Variants in IFT81 observed in about 807,000 individuals in gnomAD.
The protein encoded by IFT81 is intraflagellar transport 81.
In IFT81, 72 loss-of-function variants were observed where a neutral mutation model predicts 102.6. The ratio of observed to expected loss-of-function variants is 0.70; its 90% CI spans 0.58 to 0.85. The LOEUF is 0.85. IFT81 is among the 40% of genes least tolerant of loss of function. The probability of loss-of-function intolerance (pLI) is 0.00; values close to 1 mark genes in which losing one functional copy is unlikely to be tolerated. For synonymous variants in IFT81, 237 were observed against 242.7 expected (o/e 0.98, Z 0.22); for missense variants, 723 against 787.3 (o/e 0.92, Z 0.98).
rs112515524 is a variant in IFT81 at position 110,129,203 on chromosome 12, C to G, written c.429+73C>G. On this transcript the variant is annotated intron_variant, in intron 4 of 18. Transcript: ENST00000242591. The stretch of plus-strand genomic sequence containing the variant: ...TGTATATATTCAAATACATGTTACT[C>G]TTTTTTTATTTGCTGTCTTTGTAGT... The G allele has an allele frequency of 5.0e-4, 575 of 1,155,936 alleles. 7 individuals are homozygous for G. In the African/African-American group the frequency reaches 7.6e-3, roughly 15 times the overall value. The allele number at this position is 1,155,936 out of a possible 1,614,324, so 71.6% of individuals were successfully genotyped here.
At chr12:110,216,504 C>T (rs138902800) in intron 18 of IFT81, 8 of 450,054 alleles carry the variant, frequency 1.8e-5, no homozygotes, top group African/African-American at 1.6e-4. Context: ...CCCCAGCCTC[C>T]TATTATTCAC....
At chr12:110,147,129 A>G (rs763606954) in intron 10 of IFT81, 81 bp downstream of exon 10, 51 of 1,045,554 alleles carry the variant, frequency 4.9e-5, no homozygotes, top group Non-Finnish European at 6.3e-5. Context: ...ATAGTCTTAA[A>G]GTGAGAAGGA....
intron 18 of IFT81, among the ~76,000 whole-genome samples, chr12:110,214,214 A>C (rs912128106): frequency 1.3e-5 from 2 of 152,136 alleles, no homozygotes; most frequent in African/African-American, 2.4e-5. Flanking sequence ...TCATTTGTAT[A>C]ATATTTTAAC....
At chr12:110,136,913 C>T in intron 8 of IFT81, 53 bp downstream of exon 8, 2 of 1,078,744 alleles carry the variant, frequency 1.9e-6, no homozygotes, top group South Asian at 1.5e-5. Flanking sequence ...TAATTTAAAT[C>T]ACGATCTTCC....
intron 14 of IFT81, 25 bp from the exon 15 acceptor site, chr12:110,203,839 C>T (rs1261777285): frequency 4.7e-6 from 7 of 1,492,608 alleles, no homozygotes; most frequent in Non-Finnish European, 6.5e-6. Context: ...TTCACTTATT[C>T]AATCATTTTC....
intron 11 of IFT81, among the ~76,000 whole-genome samples, chr12:110,173,753 A>T (rs1433267749): frequency 6.6e-6 from 1 of 152,146 alleles, no homozygotes; most frequent in African/African-American, 2.4e-5. Context: ...TGTTAAACAG[A>T]TGCTTGAAGG....
At chr12:110,198,851 C>T (rs543644958) in intron 14 of IFT81, among the ~76,000 whole-genome samples, 15 of 150,416 alleles carry the variant, frequency 1.0e-4, no homozygotes, top group East Asian at 1.9e-4. Context: ...TGCTCTTCGC[C>T]CAGGCTGGAG....
intron 12 of IFT81, among the ~76,000 whole-genome samples, chr12:110,187,243 C>T (rs1272537557): frequency 6.7e-6 from 1 of 149,916 alleles, no homozygotes; most frequent in African/African-American, 2.4e-5. Flanking sequence ...TTTATTTGAG[C>T]ATCTATTCCT....
At position 110,203,955 on chromosome 12, in the gene IFT81, G is replaced by T; in HGVS notation, c.1644+5G>T. 1 of 1,596,482 alleles carries T rather than the reference G, an allele frequency of 6.3e-7. No individual in the cohort carries two copies. On this transcript the variant is annotated splice_donor_5th_base_variant and intron_variant, in intron 15 of 18. Transcript: ENST00000242591. Reference sequence around the variant, plus strand: ...AATCGGTCCAAATTAGAACAGGTAAGAAGAGAGTTTTTATTTTAACAATTT... The same window carrying T: ...AATCGGTCCAAATTAGAACAGGTAATAAGAGAGTTTTTATTTTAACAATTT...
intron 14 of IFT81, among the ~76,000 whole-genome samples, chr12:110,202,884 CATTTCAA>C (rs1898366314): frequency 6.6e-6 from 1 of 152,160 alleles, no homozygotes; most frequent in African/African-American, 2.4e-5. Context: ...GTCAGTGGTA[CATTTCAA>C]ACACCCTAGA....
chr12:110,199,083 A>G (rs1222655852), intron 14 of IFT81, among the ~76,000 whole-genome samples: 2 of 152,188 alleles, frequency 1.3e-5, no homozygotes, highest in Non-Finnish European at 2.9e-5. Context: ...TGCTGGGATT[A>G]TAGGCATGAG....
chr12:110,190,539 C>T (rs1463957551), intron 12 of IFT81, among the ~76,000 whole-genome samples: 1 of 151,892 alleles, frequency 6.6e-6, no homozygotes, highest in Non-Finnish European at 1.5e-5. Flanking sequence ...TGCCGTATAC[C>T]TGGTGCCTAG....
intron 5 of IFT81, among the ~76,000 whole-genome samples, chr12:110,133,353 T>C (rs559519314): frequency 3.9e-5 from 6 of 151,974 alleles, no homozygotes; most frequent in Admixed American, 3.3e-4. Flanking sequence ...CCAGGCATGG[T>C]AGCTCATGCC....
rs537657803 is a variant in IFT81 at position 110,136,948 on chromosome 12, G to A, written c.781+88G>A. 130 of 789,492 alleles carry A rather than the reference G, an allele frequency of 1.6e-4. No individual in the cohort carries two copies. The African/African-American group carries it at 1.9e-3, about 12-fold the overall frequency. 48.9% of individuals were successfully genotyped at this position (789,492 alleles called of 1,614,324 possible). ...CTAAAAAATCAATTTGTGAGAATTAGTTATCATCAAGTGATGTCTCAGCAT... is the reference window on the plus strand; with the variant it reads ...CTAAAAAATCAATTTGTGAGAATTAATTATCATCAAGTGATGTCTCAGCAT... On this transcript the variant is annotated intron_variant, in intron 8 of 18. Coordinates refer to ENST00000242591, the MANE Select transcript of IFT81 (RefSeq NM_014055.4).
chr12:110,126,930 A>G (rs557196171), intron 1 of IFT81, among the ~76,000 whole-genome samples: 3 of 152,362 alleles, frequency 2.0e-5, no homozygotes, highest in East Asian at 3.9e-4. Flanking sequence ...CTGGAAATAC[A>G]GATTTTAAAG....
intron 11 of IFT81, among the ~76,000 whole-genome samples, chr12:110,167,103 A>C (rs747669654): frequency 3.3e-5 from 5 of 152,110 alleles, no homozygotes; most frequent in Non-Finnish European, 7.4e-5. Flanking sequence ...CAGATGTTAC[A>C]TACTGTCTAA....
At chr12:110,201,727 T>C (rs1249533956) in intron 14 of IFT81, among the ~76,000 whole-genome samples, 1 of 152,126 alleles carries the variant, frequency 6.6e-6, no homozygotes. Flanking sequence ...AATTACAAGA[T>C]TGTGCCACCA....
intron 8 of IFT81, among the ~76,000 whole-genome samples, chr12:110,142,920 A>G (rs140541579): frequency 2.0e-4 from 30 of 152,226 alleles, no homozygotes; most frequent in African/African-American, 7.2e-4. Context: ...TAAAAAATAC[A>G]TATGTATATA....
At chr12:110,196,593 T>C (rs1898012070) in intron 14 of IFT81, among the ~76,000 whole-genome samples, 2 of 152,274 alleles carry the variant, frequency 1.3e-5, no homozygotes, top group Non-Finnish European at 2.9e-5. Context: ...CACATGCTTA[T>C]AGTCCTAGCT....
Sources: allele counts gnomAD v4.1 joint callset (sites outside exome capture counted in the v4.1 genomes callset), GRCh38; gene constraint gnomAD v4.1.1; transcripts MANE v1.5; gene names NCBI Gene and HGNC (gene_info 2026-07-23, HGNC 2026-07-21).